The following BLOC1S5 variants were observed in gnomAD, a reference collection of about 807,000 sequenced individuals.
BLOC1S5 encodes the protein biogenesis of lysosomal organelles complex 1 subunit 5, also known as biogenesis of lysosome-related organelles complex 1 subunit 5.
Under a neutral mutation model 24.3 loss-of-function variants are expected in BLOC1S5, and 27 were observed. That is an observed-to-expected ratio of 1.11 (90% CI 0.82 to 1.53). The LOEUF is 1.53. BLOC1S5 is among the 40% of genes most tolerant of loss of function. The probability of loss-of-function intolerance (pLI) is 0.00; values close to 1 mark genes in which losing one functional copy is unlikely to be tolerated. For missense variants in BLOC1S5, 239 were observed against 229.4 expected, an observed-to-expected ratio of 1.04 and a Z score of -0.27; for synonymous variants, 84 against 74.5, an observed-to-expected ratio of 1.13 and a Z score of -0.66.
intron 2 of BLOC1S5, among the ~76,000 whole-genome samples, chr6:8,043,540 A>T (rs1177984480): frequency 6.6e-6 from 1 of 152,194 alleles, no homozygotes; most frequent in Non-Finnish European, 1.5e-5. Context: ...AAATAAGGAA[A>T]GGCGGAGGAA....
intron 2 of BLOC1S5, chr6:8,054,492 G>A (rs1764245793): frequency 3.6e-6 from 1 of 277,776 alleles, no homozygotes. Context: ...AGGCTCATTG[G>A]AACAATCATC....
chr6:8,037,918 A>G (rs573283740), intron 3 of BLOC1S5, among the ~76,000 whole-genome samples: 1 of 152,336 alleles, frequency 6.6e-6, no homozygotes, highest in Non-Finnish European at 1.5e-5. Context: ...AAAACTGGAT[A>G]TCAGTATGAC....
chr6:8,046,408 T>G (rs889075505), intron 2 of BLOC1S5, among the ~76,000 whole-genome samples: 3 of 152,080 alleles, frequency 2.0e-5, no homozygotes, highest in Non-Finnish European at 2.9e-5. Context: ...ATCTTTGCAA[T>G]TTTTCTACAA....
At chr6:8,017,453 A>T (rs1213856080) in intron 4 of BLOC1S5, among the ~76,000 whole-genome samples, 1 of 152,152 alleles carries the variant, frequency 6.6e-6, no homozygotes, top group African/African-American at 2.4e-5. Flanking sequence ...TGTTAATTCC[A>T]GCACTTGAAT....
At chr6:8,030,610 T>A (rs1763263136) in intron 3 of BLOC1S5, among the ~76,000 whole-genome samples, 1 of 151,060 alleles carries the variant, frequency 6.6e-6, no homozygotes, top group Non-Finnish European at 1.5e-5. Flanking sequence ...AGTGGCTCAC[T>A]CCTGTAATCC....
chr6:8,015,515 C>G lies in BLOC1S5; in HGVS notation c.*134G>C. The G allele has an allele frequency of 4.4e-6, 4 of 904,726 alleles. No homozygotes were observed. The highest frequency in any genetic ancestry group is 6.4e-6 in the Non-Finnish European group (4 of 623,232). The allele number at this position is 904,726 out of a possible 1,614,324, so 56.0% of individuals were successfully genotyped here. A position where few individuals can be genotyped will look rare whatever the true frequency, so the allele number is the denominator to read the frequency against. The stretch of plus-strand genomic sequence containing the variant: ...CCAATCAGAATGCCAGTAGAAACTT[C>G]TTTCTTCTGATATAAGAGTGCCACT... On this transcript the variant is annotated 3_prime_UTR_variant, in exon 5 of 5. Coordinates refer to ENST00000397457, the MANE Select transcript of BLOC1S5 (RefSeq NM_201280.3).
At chr6:8,040,856 CA>C (rs574721309) in intron 3 of BLOC1S5, among the ~76,000 whole-genome samples, 6,182 of 129,894 alleles carry the variant, frequency 0.048, 331 homozygotes, top group African/African-American at 0.15. Context: ...ACTGTGCCTC[CA>C]AAAAAAAAAA....
chr6:8,053,931 G>GA (rs1764222595), intron 2 of BLOC1S5, among the ~76,000 whole-genome samples: 1 of 81,366 alleles, frequency 1.2e-5, no homozygotes, highest in Non-Finnish European at 3.2e-5. Context: ...CCCTTAACTC[G>GA]AAAATCCAAA....
At chr6:8,036,581 C>G (rs900846046) in intron 3 of BLOC1S5, among the ~76,000 whole-genome samples, 2 of 152,004 alleles carry the variant, frequency 1.3e-5, no homozygotes, top group Non-Finnish European at 2.9e-5. Context: ...TTGCTGAATT[C>G]CAGCAAACAT....
chr6:8,034,748 T>G lies in BLOC1S5; in HGVS notation c.325+6391A>C, dbSNP rs567914858. Among the ~76,000 whole-genome samples the G allele has an allele frequency of 2.0e-5, 3 of 152,252 alleles. No individual in the cohort carries two copies. The South Asian group carries it at 6.2e-4, about 32-fold the overall frequency. ...ACAGTGTGGAGATTCCTTAAAGAAC[T>G]AACAGTAGATCTACCATTTGATCCA... On this transcript the variant is annotated intron_variant, in intron 3 of 4. Coordinates refer to ENST00000397457, the MANE Select transcript of BLOC1S5 (RefSeq NM_201280.3).
chr6:8,052,123 C>T (rs1764128862), intron 2 of BLOC1S5, among the ~76,000 whole-genome samples: 6 of 152,014 alleles, frequency 3.9e-5, no homozygotes, highest in South Asian at 2.1e-4. Flanking sequence ...CCCGCCACCA[C>T]GCCCGGCTAA....
chr6:8,032,207 A>C (rs749077301), intron 3 of BLOC1S5, among the ~76,000 whole-genome samples: 1 of 152,214 alleles, frequency 6.6e-6, no homozygotes, highest in Non-Finnish European at 1.5e-5. Flanking sequence ...ATCTTCGCAA[A>C]CTATGCATCC....
intron 4 of BLOC1S5, among the ~76,000 whole-genome samples, chr6:8,025,700 TC>T (rs1361452056): frequency 6.6e-6 from 1 of 152,196 alleles, no homozygotes; most frequent in African/African-American, 2.4e-5. Flanking sequence ...GTAACATTTG[TC>T]GATACACACA....
At chr6:8,026,000 C>G (rs77932834) in intron 4 of BLOC1S5, among the ~76,000 whole-genome samples, 2,355 of 152,242 alleles carry the variant, frequency 0.015, 46 homozygotes, top group East Asian at 0.057. Context: ...TGAATGCTTC[C>G]CTTTCTAGAA....
At chr6:8,022,457 G>C (rs1403143427) in intron 4 of BLOC1S5, among the ~76,000 whole-genome samples, 1 of 151,494 alleles carries the variant, frequency 6.6e-6, no homozygotes, top group Non-Finnish European at 1.5e-5. Context: ...ATGCCTTACA[G>C]AGACATAGGA....
At chr6:8,040,345 G>A (rs544990451) in intron 3 of BLOC1S5, among the ~76,000 whole-genome samples, 6 of 152,202 alleles carry the variant, frequency 3.9e-5, no homozygotes, top group Middle Eastern at 6.8e-3. Context: ...ATATAAATTC[G>A]TTTGTATTTT....
chr6:8,040,221 A>G (rs1763631257), intron 3 of BLOC1S5, among the ~76,000 whole-genome samples: 2 of 152,216 alleles, frequency 1.3e-5, no homozygotes, highest in Non-Finnish European at 2.9e-5. Flanking sequence ...TTCAACCATT[A>G]TAAATTTCGG....
chr6:8,052,915 G>A (rs1764172781), intron 2 of BLOC1S5, among the ~76,000 whole-genome samples: 1 of 151,618 alleles, frequency 6.6e-6, no homozygotes, highest in African/African-American at 2.4e-5. Context: ...AAAAAGAAGT[G>A]GAGCCTGAAG....
chr6:8,047,539 G>C (rs2113579069), intron 2 of BLOC1S5, among the ~76,000 whole-genome samples: 2 of 152,106 alleles, frequency 1.3e-5, no homozygotes, highest in South Asian at 4.2e-4. Context: ...CAACCTAAAC[G>C]AGTTTTATAT....
Sources: allele counts gnomAD v4.1 joint callset (sites outside exome capture counted in the v4.1 genomes callset), GRCh38; gene constraint gnomAD v4.1.1; transcripts MANE v1.5; gene names NCBI Gene and HGNC (gene_info 2026-07-23, HGNC 2026-07-21).